Variants in ROBO2 observed in about 807,000 individuals in gnomAD.
ROBO2 encodes roundabout homolog 2.
In ROBO2, 53 loss-of-function variants were observed where a neutral mutation model predicts 160.8. The observed-to-expected ratio is 0.33, with a 90% CI of 0.26 to 0.41. ROBO2 has a LOEUF of 0.41. Among genes scored for constraint, ROBO2 ranks in the 10% least tolerant of loss-of-function variants. The pLI, the probability that ROBO2 is intolerant of heterozygous loss-of-function variation, is 1.00. For missense variants in ROBO2, 1,577 were observed against 1,722.4 expected (o/e 0.92, Z 1.49); for synonymous variants, 664 against 611.7 (o/e 1.09, Z -1.26).
intron 2 of ROBO2, among the ~76,000 whole-genome samples, chr3:76,240,981 A>G (rs1210849306): frequency 1.3e-5 from 2 of 152,222 alleles, no homozygotes; most frequent in East Asian, 3.8e-4. Context: ...ATATAGTCCT[A>G]TGGAAGTTGT....
chr3:77,118,953 A>C (rs984788312), intron 2 of ROBO2, among the ~76,000 whole-genome samples: 8 of 152,092 alleles, frequency 5.3e-5, no homozygotes, highest in Non-Finnish European at 7.4e-5. Context: ...TCGCCACCCA[A>C]ATCTCATCTT....
chr3:76,842,166 C>G (rs993636688), intron 2 of ROBO2, among the ~76,000 whole-genome samples: 2 of 152,024 alleles, frequency 1.3e-5, no homozygotes, highest in Non-Finnish European at 2.9e-5. Flanking sequence ...AGAGAAGGAT[C>G]GAGAAAAAGC....
intron 2 of ROBO2, among the ~76,000 whole-genome samples, chr3:77,380,699 C>T (rs1192157639): frequency 7.2e-6 from 1 of 139,570 alleles, no homozygotes; most frequent in East Asian, 2.5e-4. Context: ...CTCCCTCCTT[C>T]CCTCCCTTCC....
intron 2 of ROBO2, among the ~76,000 whole-genome samples, chr3:76,831,729 G>C (rs867927266): frequency 6.6e-6 from 1 of 152,116 alleles, no homozygotes; most frequent in African/African-American, 2.4e-5. Flanking sequence ...AGGATGCTTT[G>C]AGTTGTATAC....
At chr3:77,380,743 GGT>G (rs1305542174) in intron 2 of ROBO2, among the ~76,000 whole-genome samples, 3 of 134,712 alleles carry the variant, frequency 2.2e-5, no homozygotes, top group Non-Finnish European at 4.7e-5. Context: ...CATCATCACA[GGT>G]GTGAGTGTTA....
At chr3:76,844,718 T>C (rs2068621064) in intron 2 of ROBO2, among the ~76,000 whole-genome samples, 2 of 151,926 alleles carry the variant, frequency 1.3e-5, no homozygotes, top group Non-Finnish European at 2.9e-5. Flanking sequence ...TTATATAGGA[T>C]TCTATTTTGC....
At chr3:76,625,116 G>A (rs1349010) in intron 2 of ROBO2, among the ~76,000 whole-genome samples, 114,014 of 151,978 alleles carry the variant, frequency 0.75, 43,359 homozygotes, top group South Asian at 0.91. Flanking sequence ...TATCAATTTT[G>A]TACACTGATT....
intron 2 of ROBO2, among the ~76,000 whole-genome samples, chr3:77,415,180 C>A (rs1217288004): frequency 6.6e-6 from 1 of 152,116 alleles, no homozygotes; most frequent in Admixed American, 6.5e-5. Context: ...TACAGGAGAA[C>A]AGAAGAGCAA....
At chr3:77,497,285 A>G (rs1002431985) in intron 5 of ROBO2, among the ~76,000 whole-genome samples, 1 of 152,160 alleles carries the variant, frequency 6.6e-6, no homozygotes, top group African/African-American at 2.4e-5. Flanking sequence ...CAAAAATTTC[A>G]TAACACTAAC....
chr3:77,028,654 G>A (rs1304173875), intron 2 of ROBO2, among the ~76,000 whole-genome samples: 1 of 152,118 alleles, frequency 6.6e-6, no homozygotes, highest in Admixed American at 6.5e-5. Flanking sequence ...TGGGAGACGG[G>A]GTTGCAGTGA....
At chr3:77,040,441 G>A (rs1034643467) in exon 1 of ROBO2, 28 of 1,073,698 alleles carry the variant, frequency 2.6e-5, no homozygotes, top group Admixed American at 1.0e-4. Context: ...GACTTCTGAA[G>A]GAAGAACTTG....
chr3:77,092,337 C>T (rs2070405179), intron 1 of ROBO2, among the ~76,000 whole-genome samples: 1 of 151,602 alleles, frequency 6.6e-6, no homozygotes, highest in Non-Finnish European at 1.5e-5. Context: ...TTACTTGGTG[C>T]TCCATTCATT....
At chr3:77,512,919 T>C (rs751865479) in intron 5 of ROBO2, among the ~76,000 whole-genome samples, 10 of 151,940 alleles carry the variant, frequency 6.6e-5, no homozygotes, top group Non-Finnish European at 1.3e-4. Context: ...AGCAGATGCA[T>C]AATAAAATTT....
chr3:77,367,180 T>TCA (rs2071026555), intron 2 of ROBO2, among the ~76,000 whole-genome samples: 1 of 152,122 alleles, frequency 6.6e-6, no homozygotes, highest in African/African-American at 2.4e-5. Flanking sequence ...GACCACCAGG[T>TCA]TACCGTATGA....
chr3:77,049,016 T>A (rs1364647936), intron 1 of ROBO2, among the ~76,000 whole-genome samples: 2 of 152,184 alleles, frequency 1.3e-5, no homozygotes, highest in Non-Finnish European at 1.5e-5. Flanking sequence ...TTGTTATATC[T>A]GAGAATTTTT....
intron 2 of ROBO2, among the ~76,000 whole-genome samples, chr3:75,950,311 C>A (rs1333828861): frequency 6.6e-6 from 1 of 152,002 alleles, no homozygotes; most frequent in Admixed American, 6.6e-5. Context: ...CAAATCTCAA[C>A]AAAGTTAAGA....
chr3:76,603,057 C>T (rs1040548034), intron 2 of ROBO2, among the ~76,000 whole-genome samples: 6 of 151,796 alleles, frequency 4.0e-5, no homozygotes, highest in Non-Finnish European at 7.4e-5. Flanking sequence ...AGAGGCTGGG[C>T]GCAGTGGCTC....
intron 2 of ROBO2, among the ~76,000 whole-genome samples, chr3:76,324,956 A>G (rs987204060): frequency 3.3e-5 from 5 of 152,154 alleles, no homozygotes; most frequent in African/African-American, 1.2e-4. Context: ...AATACAAAAA[A>G]TTAGCCGGGC....
chr3:76,167,164 C>G (rs1330728690), intron 2 of ROBO2, among the ~76,000 whole-genome samples: 3 of 152,094 alleles, frequency 2.0e-5, no homozygotes, highest in Admixed American at 6.6e-5. Flanking sequence ...TGATCTCGAA[C>G]TCCTGACCTC....
Sources: allele counts gnomAD v4.1 joint callset (sites outside exome capture counted in the v4.1 genomes callset), GRCh38; gene constraint gnomAD v4.1.1; transcripts MANE v1.5; gene names NCBI Gene and HGNC (gene_info 2026-07-23, HGNC 2026-07-21).